The following MED13 variants were observed in gnomAD, a reference collection of about 807,000 sequenced individuals.
MED13 encodes the protein mediator of RNA polymerase II transcription subunit 13.
A neutral mutation model predicts 225.2 loss-of-function variants in MED13; 23 were observed. The ratio of observed to expected loss-of-function variants is 0.10; its 90% CI spans 0.07 to 0.14. The LOEUF is 0.14. Among genes scored for constraint, MED13 ranks in the 10% least tolerant of loss-of-function variants. The probability of loss-of-function intolerance (pLI) is 1.00; values close to 1 mark genes in which losing one functional copy is unlikely to be tolerated. For missense variants in MED13, 2,197 were observed against 2,594.5 expected, an observed-to-expected ratio of 0.85 and a Z score of 3.33; for synonymous variants, 942 against 889.2, an observed-to-expected ratio of 1.06 and a Z score of -1.06.
intron 8 of MED13, among the ~76,000 whole-genome samples, chr17:62,016,701 T>G (rs2080585131): frequency 6.6e-6 from 1 of 152,208 alleles, no homozygotes; most frequent in African/African-American, 2.4e-5. Flanking sequence ...ATATTTTAGA[T>G]AAATCAAGTT....
intron 8 of MED13, among the ~76,000 whole-genome samples, chr17:62,023,999 T>C (rs1464827835): frequency 6.6e-6 from 1 of 151,592 alleles, no homozygotes; most frequent in Non-Finnish European, 1.5e-5. Flanking sequence ...TCTGAGAAAT[T>C]TCTGAAAATA....
chr17:62,003,232 A>G (rs2080412701), intron 9 of MED13, among the ~76,000 whole-genome samples: 1 of 152,210 alleles, frequency 6.6e-6, no homozygotes, highest in Admixed American at 6.5e-5. Context: ...ATAGCAGCTA[A>G]GCCTTTGATG....
intron 9 of MED13, 22 bp downstream of exon 9, chr17:62,010,528 G>A: frequency 7.2e-7 from 1 of 1,381,656 alleles, no homozygotes; most frequent in South Asian, 2.2e-5. Context: ...TTATAATGGT[G>A]ACTATTAAAA....
chr17:61,947,800 T>G (rs1273402582), intron 28 of MED13, among the ~76,000 whole-genome samples: 4 of 152,178 alleles, frequency 2.6e-5, no homozygotes, highest in Non-Finnish European at 5.9e-5. Context: ...CACACTCCAA[T>G]TAAATGAGTC....
chr17:61,996,745 C>T (rs1486805470), intron 9 of MED13, among the ~76,000 whole-genome samples: 1 of 152,178 alleles, frequency 6.6e-6, no homozygotes, highest in East Asian at 1.9e-4. Flanking sequence ...GCTCTATTTT[C>T]CTGCATAGCA....
chr17:62,022,298 C>A (rs1290375668), intron 8 of MED13, among the ~76,000 whole-genome samples: 1 of 151,602 alleles, frequency 6.6e-6, no homozygotes, highest in Middle Eastern at 3.2e-3. Context: ...CACCTTCTGT[C>A]ACAGAGTAAG....
At chr17:61,990,719 A>T (rs1328100986) in intron 11 of MED13, among the ~76,000 whole-genome samples, 1 of 151,142 alleles carries the variant, frequency 6.6e-6, no homozygotes, top group Non-Finnish European at 1.5e-5. Context: ...TCAATTAAAA[A>T]AATTATTTTA....
chr17:61,948,074 A>G (rs1269816080), intron 28 of MED13, among the ~76,000 whole-genome samples: 1 of 152,224 alleles, frequency 6.6e-6, no homozygotes, highest in Non-Finnish European at 1.5e-5. Context: ...AATCACTACA[A>G]ATTTTTAAAA....
chr17:61,971,358 C>T (rs1024629163), intron 17 of MED13, among the ~76,000 whole-genome samples: 16 of 149,852 alleles, frequency 1.1e-4, no homozygotes, highest in Admixed American at 6.0e-4. Flanking sequence ...CTCATGGCAA[C>T]CTCGGCTGGC....
intron 28 of MED13, among the ~76,000 whole-genome samples, chr17:61,949,178 ATATCTCAT>A (rs1374627263): frequency 3.3e-5 from 5 of 151,874 alleles, no homozygotes; most frequent in Admixed American, 6.6e-5. Flanking sequence ...TAGGGCTTTT[ATATCTCAT>A]TTTGTGACTT....
chr17:62,061,257 A>T (rs1238522316), intron 2 of MED13, among the ~76,000 whole-genome samples: 1 of 152,080 alleles, frequency 6.6e-6, no homozygotes, highest in Non-Finnish European at 1.5e-5. Flanking sequence ...AGGGGCTCAC[A>T]CTTGTAATCC....
In MED13 at chr17:62,029,353, T is replaced by G. The variant is rs1035846908; in HGVS notation, c.1283+188A>C. On this transcript the variant is annotated intron_variant, in intron 8 of 29. Coordinates refer to ENST00000397786, the MANE Select transcript of MED13 (RefSeq NM_005121.3). ...CTGCCTCTGGTAACAGTGAATGAAC[T>G]GAAAGCTTATATTTACATGTACTTC... 1.8e-5 allele frequency: 10 copies of G among 571,122 alleles called. No individual in the cohort carries two copies. In the East Asian group the frequency reaches 2.8e-4, roughly 16 times the overall value. The allele number at this position is 571,122 out of a possible 1,614,324, so 35.4% of individuals were successfully genotyped here.
intron 10 of MED13, 67 bp from the exon 11 acceptor site, chr17:61,992,688 TGAG>T (rs1257871506): frequency 9.1e-7 from 1 of 1,099,018 alleles, no homozygotes; most frequent in Non-Finnish European, 1.4e-6. Context: ...TACCAATTAT[TGAG>T]GAGCTGTGTG....
intron 9 of MED13, among the ~76,000 whole-genome samples, chr17:62,008,016 C>CAAAAAAAAAA (rs60236710): frequency 0.018 from 920 of 50,414 alleles, 69 homozygotes; most frequent in South Asian, 0.12. Context: ...GAGACTGTCT[C>CAAAAAAAAAA]AAAAAAAAAA....
intron 3 of MED13, among the ~76,000 whole-genome samples, chr17:62,038,240 A>G (rs1340641581): frequency 6.6e-6 from 1 of 152,068 alleles, no homozygotes; most frequent in Non-Finnish European, 1.5e-5. Flanking sequence ...CAAAAAAATT[A>G]AAAATTAGCT....
At chr17:62,044,555 C>A (rs1170888936) in intron 3 of MED13, among the ~76,000 whole-genome samples, 1 of 152,158 alleles carries the variant, frequency 6.6e-6, no homozygotes, top group Non-Finnish European at 1.5e-5. Flanking sequence ...ATCCTATTTT[C>A]TTTATGTTAT....
At chr17:62,020,978 CAT>C (rs1272853068) in intron 8 of MED13, among the ~76,000 whole-genome samples, 10 of 150,348 alleles carry the variant, frequency 6.7e-5, no homozygotes, top group African/African-American at 2.0e-4. Context: ...GGACACAGCA[CAT>C]GTTTCAGAGG....
rs765168751 is a variant in MED13 at position 61,955,634 on chromosome 17, TA to T, written c.5782+45del. ...AAATTGTATATAATACTTAAAAACTTAACTGCATAAAGAATTAAATCTGATA... is the reference window on the plus strand; with the variant it reads ...AAATTGTATATAATACTTAAAAACTTACTGCATAAAGAATTAAATCTGATA... On this transcript the variant is annotated intron_variant, in intron 25 of 29. Coordinates refer to ENST00000397786, the MANE Select transcript of MED13 (RefSeq NM_005121.3). The T allele has an allele frequency of 2.6e-6, 4 of 1,562,418 alleles. No homozygotes were observed. In the East Asian group the frequency reaches 9.0e-5, roughly 35 times the overall value.
intron 10 of MED13, among the ~76,000 whole-genome samples, chr17:61,993,932 AAAACAAAC>A: frequency 7.8e-6 from 1 of 127,548 alleles, no homozygotes; most frequent in South Asian, 2.4e-4. Context: ...ACTCCGTCTC[AAAACAAAC>A]AAACAAACAA....
Sources: allele counts gnomAD v4.1 joint callset (sites outside exome capture counted in the v4.1 genomes callset), GRCh38; gene constraint gnomAD v4.1.1; transcripts MANE v1.5; gene names NCBI Gene and HGNC (gene_info 2026-07-23, HGNC 2026-07-21).